Variants in PRH1 observed in about 807,000 individuals in gnomAD.
PRH1 encodes salivary acidic proline-rich phosphoprotein 1/2.
A neutral mutation model predicts 7.9 loss-of-function variants in PRH1; 7 were observed. That is an observed-to-expected ratio of 0.89 (90% CI 0.50 to 1.67). The LOEUF (loss-of-function observed/expected upper bound fraction) is 1.67, where lower values mean the gene tolerates loss of function less well. Among genes scored for constraint, PRH1 ranks in the 40% most tolerant of loss-of-function variants. The pLI is 0.00. For synonymous variants in PRH1, 45 were observed against 80.8 expected, an observed-to-expected ratio of 0.56 and a Z score of 2.38; for missense variants, 109 against 223.6, an observed-to-expected ratio of 0.49 and a Z score of 3.27.
chr12:11,103,233 C>T (rs1945309161), intron 1 of PRH1, among the ~76,000 whole-genome samples: 1 of 117,378 alleles, frequency 8.5e-6, no homozygotes, highest in Non-Finnish European at 2.0e-5. Context: ...TATAAAGACA[C>T]ATGCACATAT....
chr12:11,121,036 C>T (rs532661182), exon 2 of PRH1: 1 of 153,862 alleles, frequency 6.5e-6, no homozygotes, highest in Non-Finnish European at 1.5e-5. Flanking sequence ...CAGTCTTATT[C>T]CCCTTCTCTT....
chr12:11,132,025 C>T (rs1272199995), intron 1 of PRH1, among the ~76,000 whole-genome samples: 1 of 109,754 alleles, frequency 9.1e-6, no homozygotes, highest in East Asian at 3.1e-4. Flanking sequence ...ATACATGATT[C>T]TAAAAAATAC....
chr12:10,919,040 C>T (rs1207387067), intron 2 of PRH1, among the ~76,000 whole-genome samples: 2 of 151,966 alleles, frequency 1.3e-5, no homozygotes, highest in Non-Finnish European at 2.9e-5. Flanking sequence ...ACATGTCTTC[C>T]CAACTTTCAA....
chr12:10,990,681 T>C (rs979736655), intron 1 of PRH1, among the ~76,000 whole-genome samples: 5 of 152,314 alleles, frequency 3.3e-5, no homozygotes, highest in Middle Eastern at 3.4e-3. Context: ...GAAAATGATG[T>C]GCAGAACTAG....
At position 11,168,307 on chromosome 12, in the gene PRH1, G is replaced by A. The variant is rs148877193; in HGVS notation, n.39+3115C>T. Among the ~76,000 whole-genome samples, 11 of 17,552 alleles carry A rather than the reference G, an allele frequency of 6.3e-4. 3 individuals are homozygous for A. Among genetic ancestry groups the A allele is most frequent in the Middle Eastern group, 0.042 (1 of 24 alleles). The allele number at this position is 17,552 out of a possible 152,430, so 11.5% of individuals were successfully genotyped here. ...AAGAAAGAAAGAAAGAAAGAAGGAA[G>A]GAAGGAAGGAAGGAAGGAAGGAAGG... On this transcript the variant is annotated intron_variant and non_coding_transcript_variant, in intron 1 of 1. Transcript: ENST00000541175.
At chr12:11,048,161 TATAG>T (rs1555147091), upstream of PRH1, among the ~76,000 whole-genome samples, 1,717 of 139,166 alleles carry the variant, frequency 0.012, 19 homozygotes, top group East Asian at 0.047. Context: ...TGTGTGTGTG[TATAG>T]ATAGATAGAT....
At position 11,085,009 on chromosome 12, in the gene PRH1, A is replaced by G. The variant is rs1457933000; in HGVS notation, n.124-37821T>C. Among the ~76,000 whole-genome samples, 2 of 112,208 alleles carry G rather than the reference A, an allele frequency of 1.8e-5. 1 individual carries two copies. The highest frequency in any genetic ancestry group is 6.0e-5 in the African/African-American group (2 of 33,364). 73.6% of individuals were successfully genotyped at this position (112,208 alleles called of 152,430 possible). ...TTTTTTCTTGGTATTTTTTGTAGAG[A>G]CAGGGTTTCACCGTGTTAGCCAGGA... On this transcript the variant is annotated intron_variant and non_coding_transcript_variant, in intron 1 of 4. Coordinates refer to the PRH1 transcript ENST00000541977.
chr12:11,151,742 G>A (rs1452447215), intron 1 of PRH1, among the ~76,000 whole-genome samples: 1 of 152,120 alleles, frequency 6.6e-6, no homozygotes, highest in Non-Finnish European at 1.5e-5. Context: ...TTATATTAGG[G>A]AAAGAAAGTC....
chr12:10,919,849 AT>A, intron 2 of PRH1, among the ~76,000 whole-genome samples: 1 of 151,182 alleles, frequency 6.6e-6, no homozygotes, highest in Non-Finnish European at 1.5e-5. Flanking sequence ...TTTTTTAATA[AT>A]TTTTTTGAGA....
At position 10,883,086 on chromosome 12, in the gene PRH1, C is replaced by T. The variant is rs1949433877; in HGVS notation, c.75G>A (p.Gln25=). ...SAQDLNEDVS[Q]EDVPLVISDG... The stretch of plus-strand genomic sequence containing the variant: ...CTGATATTACGAGGGGAACATCTTC[C>T]TGGCTGACATCTAGAAAAGAAGTAC... Residue 25 remains glutamine, a synonymous_variant, in exon 2 of 4, where the codon CAG becomes CAA. Coordinates refer to ENST00000543626, the MANE Select transcript of PRH1 (RefSeq NM_001393989.1). 1.2e-6 allele frequency: 2 copies of T among 1,613,322 alleles called. No homozygotes were observed. The highest frequency in any genetic ancestry group is 2.2e-5 in the South Asian group (2 of 91,044).
chr12:11,005,390 A>C (rs1326301799), intron 1 of PRH1, among the ~76,000 whole-genome samples: 1 of 152,154 alleles, frequency 6.6e-6, no homozygotes, highest in Non-Finnish European at 1.5e-5. Context: ...AATTTTAAAA[A>C]GCAACACATA....
intron 1 of PRH1, among the ~76,000 whole-genome samples, chr12:11,157,696 C>T (rs3906996): frequency 0.46 from 69,198 of 151,986 alleles, 16,549 homozygotes; most frequent in Non-Finnish European, 0.53. Flanking sequence ...TCACATAAGC[C>T]TTGCTCTTTA....
At chr12:11,018,129 G>A (rs563262154) in intron 1 of PRH1, among the ~76,000 whole-genome samples, 133 of 152,250 alleles carry the variant, frequency 8.7e-4, no homozygotes, top group Non-Finnish European at 1.7e-3. Flanking sequence ...CTAGAGGCAT[G>A]CAACGTGGGC....
Position 11,075,524 on chromosome 12 carries a change from T to C in PRH1, n.124-28336A>G, listed in dbSNP as rs1316450120. Among the ~76,000 whole-genome samples, 5 of 114,406 alleles carry C rather than the reference T, an allele frequency of 4.4e-5. 1 individual carries two copies. The highest frequency in any genetic ancestry group is 2.7e-4 in the Admixed American group (3 of 11,312). 75.1% of individuals were successfully genotyped at this position (114,406 alleles called of 152,430 possible). The stretch of plus-strand genomic sequence containing the variant: ...CAGCTGCTGGGAAGTTCCCTAACAT[T>C]CTTGTGATGGGGTCTGCTAACCCCG... On this transcript the variant is annotated intron_variant and non_coding_transcript_variant, in intron 1 of 4. Transcript: ENST00000541977.
chr12:10,916,596 T>G (rs905332053), intron 2 of PRH1, among the ~76,000 whole-genome samples: 1 of 151,936 alleles, frequency 6.6e-6, no homozygotes, highest in South Asian at 2.1e-4. Context: ...GTGGAAGGAA[T>G]GGGCTCTCAC....
intron 1 of PRH1, chr12:11,031,465 T>C (rs746682234): frequency 4.3e-5 from 47 of 1,090,594 alleles, no homozygotes; most frequent in Non-Finnish European, 5.4e-5. Flanking sequence ...GTTGCTGCTC[T>C]TAAAGATGGC....
At chr12:11,083,932 C>CATT (rs1944585960) in intron 1 of PRH1, among the ~76,000 whole-genome samples, 5 of 119,218 alleles carry the variant, frequency 4.2e-5, no homozygotes, top group South Asian at 2.3e-4. Context: ...CTAGTTGGTT[C>CATT]TGCTGGGACA....
At chr12:11,109,290 G>T (rs532806406) in intron 1 of PRH1, among the ~76,000 whole-genome samples, 7 of 152,306 alleles carry the variant, frequency 4.6e-5, no homozygotes, top group African/African-American at 1.7e-4. Context: ...AAGAGCAGCA[G>T]ATCTCCCAGC....
chr12:11,103,052 G>C (rs1945302672), intron 1 of PRH1, among the ~76,000 whole-genome samples: 1 of 152,206 alleles, frequency 6.6e-6, no homozygotes, highest in African/African-American at 2.4e-5. Flanking sequence ...ACAGGTGCTG[G>C]AGAGGATGTG....
Sources: gnomAD v4.1 joint callset for allele counts (sites outside exome capture counted in the v4.1 genomes callset) on GRCh38, gnomAD v4.1.1 for gene constraint, MANE v1.5 for transcripts, NCBI Gene and HGNC (gene_info 2026-07-23, HGNC 2026-07-21) for gene names.